The following CRPPA variants were observed in gnomAD, a reference collection of about 807,000 sequenced individuals.
CRPPA encodes the protein D-ribitol-5-phosphate cytidylyltransferase.
Under a neutral mutation model 52.0 loss-of-function variants are expected in CRPPA, and 43 were observed. That is an observed-to-expected ratio of 0.83 (90% confidence interval 0.65 to 1.07). The LOEUF (loss-of-function observed/expected upper bound fraction) is 1.07, where lower values mean the gene tolerates loss of function less well. Among genes scored for constraint, CRPPA ranks in the 50% least tolerant of loss-of-function variants. The probability of loss-of-function intolerance (pLI) is 0.00; values close to 1 mark genes in which losing one functional copy is unlikely to be tolerated. For synonymous variants in CRPPA, 250 were observed against 203.5 expected, an observed-to-expected ratio of 1.23 and a Z score of -1.94; for missense variants, 629 against 551.7, an observed-to-expected ratio of 1.14 and a Z score of -1.40.
chr7:16,249,848 C>G (rs909861476), intron 8 of CRPPA, among the ~76,000 whole-genome samples: 5 of 152,136 alleles, frequency 3.3e-5, no homozygotes, highest in African/African-American at 1.2e-4. Context: ...AACTCCTCGC[C>G]AGCAAGGGAA....
At chr7:16,373,570 G>A (rs2128311557) in intron 3 of CRPPA, among the ~76,000 whole-genome samples, 1 of 152,314 alleles carries the variant, frequency 6.6e-6, no homozygotes, top group South Asian at 2.1e-4. Flanking sequence ...TTGTAAGTCT[G>A]ATGCTGGGGA....
chr7:16,160,302 AG>A (rs1783276028), intron 9 of CRPPA, among the ~76,000 whole-genome samples: 1 of 152,084 alleles, frequency 6.6e-6, no homozygotes, highest in Non-Finnish European at 1.5e-5. Flanking sequence ...GGCTTTAGGT[AG>A]TAACACTTAA....
chr7:16,248,711 T>G (rs567648916), intron 8 of CRPPA, among the ~76,000 whole-genome samples: 25 of 152,030 alleles, frequency 1.6e-4, no homozygotes, highest in Non-Finnish European at 3.2e-4. Context: ...TTGGGACTGG[T>G]TGGACAGTGG....
intron 8 of CRPPA, among the ~76,000 whole-genome samples, chr7:16,230,736 C>T (rs1206603835): frequency 1.3e-5 from 2 of 152,104 alleles, no homozygotes; most frequent in African/African-American, 4.8e-5. Flanking sequence ...AATGTCTGCA[C>T]ATTTGAAGAA....
chr7:16,231,707 CA>C (rs5882562), intron 8 of CRPPA, among the ~76,000 whole-genome samples: 45,676 of 152,106 alleles, frequency 0.3, 8,778 homozygotes, highest in Admixed American at 0.41. Context: ...ATTAAACACT[CA>C]AAATTTAGAT....
chr7:16,349,321 C>T (rs1218140417), intron 3 of CRPPA, among the ~76,000 whole-genome samples: 2 of 152,118 alleles, frequency 1.3e-5, no homozygotes, highest in East Asian at 3.9e-4. Context: ...ATTAGAAATC[C>T]TCTCACTATA....
intron 3 of CRPPA, among the ~76,000 whole-genome samples, chr7:16,347,971 C>T (rs184905139): frequency 1.3e-5 from 2 of 152,226 alleles, no homozygotes; most frequent in African/African-American, 4.8e-5. Flanking sequence ...GGGCCTCATC[C>T]TCTGAGAGCA....
At chr7:16,298,415 A>G (rs1422125550) in intron 5 of CRPPA, among the ~76,000 whole-genome samples, 1 of 152,256 alleles carries the variant, frequency 6.6e-6, no homozygotes, top group African/African-American at 2.4e-5. Flanking sequence ...TTCCCAAGTC[A>G]GCATTTGCTT....
Position 16,252,857 on chromosome 7 carries a change from T to A in CRPPA, c.1119+5533A>T, listed in dbSNP as rs562376206. ...GGGAGGGTGTATGTGTTCAAGAATT[T>A]ATCCATTCCTTCTAGTTTTGTAGTT... On this transcript the variant is annotated intron_variant, in intron 8 of 9. Transcript: ENST00000407010. 2.0e-5 allele frequency among the ~76,000 whole-genome samples: 3 copies of A among 152,342 alleles called. No individual in the cohort carries two copies. In the East Asian group the frequency reaches 5.8e-4, roughly 29 times the overall value.
chr7:16,100,762 C>T (rs1285361077), intron 9 of CRPPA, among the ~76,000 whole-genome samples: 1 of 152,248 alleles, frequency 6.6e-6, no homozygotes, highest in East Asian at 1.9e-4. Flanking sequence ...AGCTTTTGCC[C>T]ATTCAGTATG....
intron 6 of CRPPA, among the ~76,000 whole-genome samples, chr7:16,273,967 G>A (rs1015938519): frequency 1.3e-5 from 2 of 152,190 alleles, no homozygotes; most frequent in Non-Finnish European, 2.9e-5. Context: ...AGCCAGTCCT[G>A]CGAAGGGGCC....
In CRPPA at chr7:16,414,350, AACACACACACACACACACACACAC is replaced by A. The variant is rs3085030; in HGVS notation, c.257+6692_257+6715del. 2.8e-3 allele frequency among the ~76,000 whole-genome samples: 390 copies of A among 138,758 alleles called. 4 individuals are homozygous for A. Among genetic ancestry groups the A allele is most frequent in the South Asian group, 0.02 (85 of 4,268 alleles). The allele number at this position is 138,758 out of a possible 152,430, so 91.0% of individuals were successfully genotyped here. On this transcript the variant is annotated intron_variant, in intron 1 of 9. Coordinates refer to ENST00000407010, the MANE Select transcript of CRPPA (RefSeq NM_001101426.4). ...TCCAGGTTGACCACCCCCCTACCCC[AACACACACACACACACACACACAC>A]ACACACACACACACACACACACACA...
intron 9 of CRPPA, among the ~76,000 whole-genome samples, chr7:16,108,737 A>C (rs1212880332): frequency 6.6e-6 from 1 of 151,936 alleles, no homozygotes; most frequent in African/African-American, 2.4e-5. Context: ...AATTTAAAAT[A>C]CTAAAATTAT....
intron 9 of CRPPA, among the ~76,000 whole-genome samples, chr7:16,140,494 G>A (rs184653512): frequency 5.0e-4 from 76 of 152,206 alleles, no homozygotes; most frequent in African/African-American, 1.7e-3. Flanking sequence ...GAAGTATGGC[G>A]GTATATGCTT....
intron 9 of CRPPA, among the ~76,000 whole-genome samples, chr7:16,103,845 G>A (rs1327787426): frequency 6.6e-6 from 1 of 152,152 alleles, no homozygotes; most frequent in Non-Finnish European, 1.5e-5. Flanking sequence ...TGGTCCAGGT[G>A]TCAGTAGAAT....
intron 4 of CRPPA, among the ~76,000 whole-genome samples, chr7:16,303,725 A>G: frequency 6.6e-6 from 1 of 152,164 alleles, no homozygotes; most frequent in African/African-American, 2.4e-5. Flanking sequence ...TAACTATATA[A>G]AAATATCTGA....
intron 9 of CRPPA, among the ~76,000 whole-genome samples, chr7:16,147,824 G>A (rs895430141): frequency 1.3e-5 from 2 of 152,060 alleles, no homozygotes; most frequent in Admixed American, 6.6e-5. Flanking sequence ...TATAAAACTT[G>A]ATATTCATCC....
At chr7:16,312,822 C>T (rs531781058) in intron 3 of CRPPA, among the ~76,000 whole-genome samples, 8 of 151,998 alleles carry the variant, frequency 5.3e-5, no homozygotes, top group Middle Eastern at 3.4e-3. Context: ...TTTTCTCTAT[C>T]CATTAATATG....
At chr7:16,399,991 C>T (rs17169461) in intron 2 of CRPPA, among the ~76,000 whole-genome samples, 3,938 of 152,234 alleles carry the variant, frequency 0.026, 73 homozygotes, top group East Asian at 0.13. Context: ...ACGTGACTGA[C>T]GCATTTGACA....
Sources: gnomAD v4.1 joint callset for allele counts (sites outside exome capture counted in the v4.1 genomes callset) on GRCh38, gnomAD v4.1.1 for gene constraint, MANE v1.5 for transcripts, NCBI Gene and HGNC (gene_info 2026-07-23, HGNC 2026-07-21) for gene names.